NAA60: variants seen among roughly 807,000 people sequenced by gnomAD.
NAA60 encodes N-alpha-acetyltransferase 60, NatF catalytic subunit, also known as N-alpha-acetyltransferase 60.
In NAA60, 8 loss-of-function variants were observed where a neutral mutation model predicts 26.1. That is an observed-to-expected ratio of 0.31 (90% CI 0.18 to 0.55). The LOEUF (loss-of-function observed/expected upper bound fraction) is 0.55. Among genes scored for constraint, NAA60 ranks in the 20% least tolerant of loss-of-function variants. NAA60 has a pLI of 0.93. For synonymous variants in NAA60, 131 were observed against 122.5 expected (o/e 1.07, Z -0.46); for missense variants, 290 against 311.3 (o/e 0.93, Z 0.51).
At chr16:3,479,074 TA>T (rs1002348755) in intron 3 of NAA60, among the ~76,000 whole-genome samples, 3 of 150,510 alleles carry the variant, frequency 2.0e-5, no homozygotes, top group East Asian at 1.9e-4. Context: ...CATCTCTACT[TA>T]AAAAAAAATA....
Position 3,443,761 on chromosome 16 carries a change from G to A in NAA60, c.-153G>A. ...TAGAGTCTTAGGGTGACCCCAGGGGGACGTAATGTTTCCGAGAAGAAGGAC... is the reference window on the plus strand; with the variant it reads ...TAGAGTCTTAGGGTGACCCCAGGGGAACGTAATGTTTCCGAGAAGAAGGAC... On this transcript the variant is annotated 5_prime_UTR_variant, in exon 1 of 8. Coordinates refer to ENST00000407558, the MANE Select transcript of NAA60 (RefSeq NM_001083601.3). 9.1e-6 allele frequency: 14 copies of A among 1,533,610 alleles called. No individual in the cohort carries two copies. Among genetic ancestry groups the A allele is most frequent in the Non-Finnish European group, 1.2e-5 (14 of 1,145,716 alleles).
At chr16:3,451,701 T>G (rs2034792406) in intron 2 of NAA60, among the ~76,000 whole-genome samples, 1 of 152,040 alleles carries the variant, frequency 6.6e-6, no homozygotes, top group Non-Finnish European at 1.5e-5. Flanking sequence ...GTGGATCACC[T>G]AAGCTCAGGA....
Position 3,478,812 on chromosome 16 carries a change from C to T in NAA60, c.111-659C>T, listed in dbSNP as rs528946777. Among the ~76,000 whole-genome samples the T allele has an allele frequency of 2.1e-4, 32 of 152,270 alleles. No individual in the cohort carries two copies. The South Asian group carries it at 5.8e-3, about 28-fold the overall frequency. ...AGTGTCCAGAAGTCTCACAGATTCTCGTAGGCACTCCTCCAGTGTCCAAGG... is the reference window on the plus strand; with the variant it reads ...AGTGTCCAGAAGTCTCACAGATTCTTGTAGGCACTCCTCCAGTGTCCAAGG... On this transcript the variant is annotated intron_variant, in intron 3 of 7. Coordinates refer to ENST00000407558, the MANE Select transcript of NAA60 (RefSeq NM_001083601.3).
In NAA60 at chr16:3,471,588, G is replaced by A. The variant is rs530760521; in HGVS notation, c.-6-4634G>A. On this transcript the variant is annotated intron_variant, in intron 2 of 7. Coordinates refer to ENST00000407558, the MANE Select transcript of NAA60 (RefSeq NM_001083601.3). ...GCCCCAGGCATCCACGGAGGTCAAG[G>A]CCTTGCCAACCCCACTTCCTGGGTC... is the stretch of plus-strand genomic sequence containing the variant. Among the ~76,000 whole-genome samples the A allele has an allele frequency of 8.7e-4, 133 of 152,260 alleles. 1 individual carries two copies. Among genetic ancestry groups the A allele is most frequent in the Middle Eastern group, 6.8e-3 (2 of 294 alleles).
intron 2 of NAA60, among the ~76,000 whole-genome samples, chr16:3,473,642 C>CA (rs1357043232): frequency 6.6e-6 from 1 of 152,080 alleles, no homozygotes; most frequent in African/African-American, 2.4e-5. Flanking sequence ...TCAAGCAGTC[C>CA]ACCTGCCTGG....
intron 1 of NAA60, among the ~76,000 whole-genome samples, chr16:3,447,828 C>G (rs1047130887): frequency 6.6e-6 from 1 of 152,126 alleles, no homozygotes; most frequent in African/African-American, 2.4e-5. Flanking sequence ...TTTTTAGTTT[C>G]ATTTAGCCTT....
At chr16:3,468,677 C>A (rs2035920962) in intron 2 of NAA60, among the ~76,000 whole-genome samples, 1 of 152,232 alleles carries the variant, frequency 6.6e-6, no homozygotes, top group Non-Finnish European at 1.5e-5. Context: ...TTGCATCGCT[C>A]CACCTCCGGA....
intron 2 of NAA60, among the ~76,000 whole-genome samples, chr16:3,467,201 G>T (rs889571310): frequency 3.9e-5 from 6 of 152,154 alleles, no homozygotes; most frequent in African/African-American, 1.4e-4. Context: ...GAATCTTCAG[G>T]CCACGGCTGA....
chr16:3,476,899 G>T (rs2036519017), intron 3 of NAA60, among the ~76,000 whole-genome samples: 1 of 152,152 alleles, frequency 6.6e-6, no homozygotes, highest in African/African-American at 2.4e-5. Flanking sequence ...AAATTAGCCA[G>T]GTGTGGTGGT....
intron 2 of NAA60, among the ~76,000 whole-genome samples, chr16:3,474,229 C>T (rs1328497701): frequency 3.9e-5 from 6 of 152,310 alleles, no homozygotes; most frequent in African/African-American, 9.6e-5. Context: ...CAGAGCTGCT[C>T]AGGACGTCAG....
chr16:3,477,455 G>A (rs551325087), intron 3 of NAA60, among the ~76,000 whole-genome samples: 3 of 152,336 alleles, frequency 2.0e-5, no homozygotes, highest in Non-Finnish European at 2.9e-5. Context: ...TTGTGGAAGC[G>A]GGAACTGTCA....
At chr16:3,444,383 A>C (rs1340854654) in intron 1 of NAA60, among the ~76,000 whole-genome samples, 1 of 152,160 alleles carries the variant, frequency 6.6e-6, no homozygotes, top group Non-Finnish European at 1.5e-5. Context: ...GCTAACTCAG[A>C]GGGTAATTTC....
At chr16:3,448,292 AAC>A (rs537438249) in intron 1 of NAA60, among the ~76,000 whole-genome samples, 177 bp from the exon 2 acceptor site, 7,606 of 146,368 alleles carry the variant, frequency 0.052, 452 homozygotes, top group African/African-American at 0.17. Context: ...AAAAAAAAAA[AAC>A]ATGGGTTGCT....
intron 3 of NAA60, 50 bp downstream of exon 3, chr16:3,476,387 C>G (rs1451769912): frequency 6.6e-7 from 1 of 1,510,042 alleles, no homozygotes; most frequent in Admixed American, 1.8e-5. Context: ...GCCTCAGGTG[C>G]AGAAGCTGGG....
At chr16:3,478,616 C>G (rs1366235682) in intron 3 of NAA60, among the ~76,000 whole-genome samples, 2 of 152,174 alleles carry the variant, frequency 1.3e-5, no homozygotes, top group African/African-American at 4.8e-5. Flanking sequence ...TTTTTGCCTG[C>G]TCCGCTCAGA....
rs74005810 is a variant in NAA60, at chr16:3,483,614, G to T, written c.572+17G>T. The T allele has an allele frequency of 6.3e-7, 1 of 1,589,236 alleles. No individual in the cohort carries two copies. Among genetic ancestry groups the T allele is most frequent in the Non-Finnish European group, 8.6e-7 (1 of 1,159,584 alleles). ...GACGATTTTATATCCTTAACTTCTG[G>T]GGGAGAGGGACTGTGGCTTCCTGTC... On this transcript the variant is annotated intron_variant, in intron 6 of 7. Coordinates refer to ENST00000407558, the MANE Select transcript of NAA60 (RefSeq NM_001083601.3).
chr16:3,443,872 A>G, intron 1 of NAA60, 35 bp downstream of exon 1: 2 of 1,523,572 alleles, frequency 1.3e-6, no homozygotes, highest in Non-Finnish European at 1.8e-6. Flanking sequence ...TAGGCCTGAA[A>G]TTTCGGTCTG....
intron 2 of NAA60, among the ~76,000 whole-genome samples, chr16:3,474,488 A>C (rs1027279147): frequency 6.6e-6 from 1 of 152,256 alleles, no homozygotes; most frequent in African/African-American, 2.4e-5. Context: ...GAGAGACCAG[A>C]TTCAGCGTCT....
At chr16:3,466,522 C>T (rs1412150051) in intron 2 of NAA60, among the ~76,000 whole-genome samples, 1 of 152,234 alleles carries the variant, frequency 6.6e-6, no homozygotes, top group African/African-American at 2.4e-5. Flanking sequence ...AGACAGTGGC[C>T]TGTATCTGTC....
Sources: gnomAD v4.1 joint callset for allele counts (sites outside exome capture counted in the v4.1 genomes callset) on GRCh38, gnomAD v4.1.1 for gene constraint, MANE v1.5 for transcripts, NCBI Gene and HGNC (gene_info 2026-07-23, HGNC 2026-07-21) for gene names.